DDX54: variants seen among roughly 807,000 people sequenced by gnomAD.
DDX54 encodes the protein ATP-dependent RNA helicase DDX54.
DDX54 carries 67 observed loss-of-function variants against 105.5 expected under a neutral mutation model. That is an observed-to-expected ratio of 0.64 (90% CI 0.52 to 0.78). The LOEUF (loss-of-function observed/expected upper bound fraction) is 0.78, where lower values mean the gene tolerates loss of function less well. Among genes scored for constraint, DDX54 ranks in the 30% least tolerant of loss-of-function variants. The pLI is 0.00. For missense variants in DDX54, 1,206 were observed against 1,230.5 expected (o/e 0.98, Z 0.30); for synonymous variants, 514 against 509.9 (o/e 1.01, Z -0.11).
chr12:113,162,781 C>A, intron 17 of DDX54, 151 bp downstream of exon 17: 1 of 709,722 alleles, frequency 1.4e-6, no homozygotes, highest in Non-Finnish European at 2.2e-6. Flanking sequence ...CTCGATCACT[C>A]ACCCCGGGCA....
intron 5 of DDX54, chr12:113,178,634 C>T (rs545246088): frequency 4.6e-6 from 1 of 215,538 alleles, no homozygotes; most frequent in Admixed American, 5.2e-5. Context: ...CCTCCACCTC[C>T]TGGGTTCAAG....
rs779947933 is a variant in DDX54, at chr12:113,163,314, G to A, written c.1939-40C>T. 7 of 1,576,324 alleles carry A rather than the reference G, an allele frequency of 4.4e-6. No homozygotes were observed. The highest frequency in any genetic ancestry group is 4.3e-6 in the Non-Finnish European group (5 of 1,161,374). ...ACCAAGGCCCAGTGTCATGCCTGCTGCCCCCTGGGGACTTCCCCCTGCCTC... is the reference window on the plus strand; with the variant it reads ...ACCAAGGCCCAGTGTCATGCCTGCTACCCCCTGGGGACTTCCCCCTGCCTC... On this transcript the variant is annotated intron_variant, in intron 15 of 19. Coordinates refer to ENST00000306014, the MANE Select transcript of DDX54 (RefSeq NM_024072.4). The surrounding 1 kb of genome is among the most constrained non-coding windows in gnomAD (Gnocchi z 5.9).
intron 2 of DDX54, among the ~76,000 whole-genome samples, chr12:113,180,339 C>T (rs978431227): frequency 3.3e-5 from 5 of 151,948 alleles, no homozygotes; most frequent in African/African-American, 1.2e-4. Context: ...TGTGTGGACA[C>T]AATGAGGATG....
Position 113,157,958 on chromosome 12 carries a change from C to T in DDX54, c.*919G>A. 1 of 484,598 alleles carries T rather than the reference C, an allele frequency of 2.1e-6. No individual in the cohort carries two copies. The highest frequency in any genetic ancestry group is 3.7e-6 in the Non-Finnish European group (1 of 268,462). 30.0% of individuals were successfully genotyped at this position (484,598 alleles called of 1,614,324 possible). On this transcript the variant is annotated 3_prime_UTR_variant, in exon 20 of 20. Coordinates refer to ENST00000306014, the MANE Select transcript of DDX54 (RefSeq NM_024072.4). ...AAAATGAGATCAGACCAGGCCCTCC[C>T]TGCCAGGGTGGTTGGGGCATGAAAA...
chr12:113,161,487 A>C, intron 18 of DDX54, 105 bp from the exon 19 acceptor site: 1 of 907,224 alleles, frequency 1.1e-6, no homozygotes, highest in Non-Finnish European at 1.7e-6. Flanking sequence ...GCCGCAGCTG[A>C]AGCTGCTCGG....
At position 113,157,490 on chromosome 12, in the gene DDX54, T is replaced by C; in HGVS notation, c.*1387A>G. ...ACCACCATCATCACTGTTCTTTTAA[T>C]GAGGGGATCTCCAGTCCCCGCCCTA... On this transcript the variant is annotated 3_prime_UTR_variant, in exon 20 of 20. Coordinates refer to ENST00000306014, the MANE Select transcript of DDX54 (RefSeq NM_024072.4). The C allele has an allele frequency of 2.5e-6, 2 of 787,336 alleles. No homozygotes were observed. The highest frequency in any genetic ancestry group is 2.1e-6 in the Non-Finnish European group (1 of 475,522). 48.8% of individuals were successfully genotyped at this position (787,336 alleles called of 1,614,324 possible).
At position 113,163,033 on chromosome 12, in the gene DDX54, G is replaced by A. The variant is rs553832787; in HGVS notation, c.2094C>T (p.Ser698=). 47 of 1,609,016 alleles carry A rather than the reference G, an allele frequency of 2.9e-5. No individual in the cohort carries two copies. In the East Asian group the frequency reaches 7.4e-4, roughly 25 times the overall value. Residue 698 remains serine, a synonymous_variant, in exon 17 of 20, where the codon AGC becomes AGT. Transcript: ENST00000306014. This position sits in a 1 kb window ranked among gnomAD's most constrained non-coding sequence, Gnocchi z 5.9. ...DFDSERGLSI[S]GEGGAFEQQA... is the part of the protein sequence containing the mutation. ...GCTGCTCAAAGGCTCCCCCTTCCCC[G>A]CTGATGCTCAGGCTGCAGAGGGAGA...
At chr12:113,159,232 G>C in intron 19 of DDX54, 123 bp from the exon 20 acceptor site, 2 of 1,102,520 alleles carry the variant, frequency 1.8e-6, no homozygotes, top group South Asian at 1.6e-5. Context: ...CTGTGGCCCA[G>C]TGTCTGTACA....
At chr12:113,174,112 G>T (rs576778126) in intron 10 of DDX54, among the ~76,000 whole-genome samples, 9 of 151,890 alleles carry the variant, frequency 5.9e-5, no homozygotes, top group Non-Finnish European at 1.3e-4. Context: ...CTGGGAGGTG[G>T]AGGTTGCAGT....
intron 17 of DDX54, 23 bp from the exon 18 acceptor site, chr12:113,162,020 G>C (rs969479244): frequency 6.8e-6 from 11 of 1,609,156 alleles, no homozygotes; most frequent in Non-Finnish European, 5.1e-6. Context: ...GAGTTGGGAC[G>C]GCTGCCGTGG....
intron 1 of DDX54, among the ~76,000 whole-genome samples, chr12:113,182,849 G>A (rs976946797): frequency 6.0e-5 from 9 of 149,802 alleles, no homozygotes; most frequent in Non-Finnish European, 8.9e-5. Flanking sequence ...GAGCCACCAC[G>A]CCCAGCCTCC....
intron 5 of DDX54, 138 bp from the exon 6 acceptor site, chr12:113,177,231 G>C (rs1263599952): frequency 1.0e-6 from 1 of 953,148 alleles, no homozygotes; most frequent in Admixed American, 2.6e-5. Context: ...AAAGGCCAGT[G>C]CTGAGGTATG....
chr12:113,181,172 CG>C, intron 1 of DDX54, 114 bp from the exon 2 acceptor site: 1 of 1,280,116 alleles, frequency 7.8e-7, no homozygotes, highest in South Asian at 1.8e-5. Context: ...ATGATGCTTC[CG>C]CCAGATCACG....
chr12:113,157,544 G>A lies in DDX54; in HGVS notation c.*1333C>T, dbSNP rs1467260471. The A allele has an allele frequency of 1.4e-6, 2 of 1,457,870 alleles. No homozygotes were observed. Among genetic ancestry groups the A allele is most frequent in the Non-Finnish European group, 1.9e-6 (2 of 1,062,668 alleles). 90.3% of individuals were successfully genotyped at this position (1,457,870 alleles called of 1,614,324 possible). A position where few individuals can be genotyped will look rare whatever the true frequency, so the allele number is the denominator to read the frequency against. On this transcript the variant is annotated 3_prime_UTR_variant, in exon 20 of 20. Coordinates refer to ENST00000306014, the MANE Select transcript of DDX54 (RefSeq NM_024072.4). ...TTCGGCCTCCCCCGCGTGTTGAGGG[G>A]TGGGGGCTGGACAGTGACTCTGGGG...
intron 2 of DDX54, 138 bp from the exon 3 acceptor site, chr12:113,180,143 A>G: frequency 1.2e-6 from 1 of 818,832 alleles, no homozygotes; most frequent in South Asian, 1.5e-5. Flanking sequence ...ACAAACTGAA[A>G]GGTGAAATGA....
At chr12:113,162,651 C>A (rs536988816) in intron 17 of DDX54, 4 of 402,850 alleles carry the variant, frequency 9.9e-6, no homozygotes, top group Non-Finnish European at 8.8e-6. Flanking sequence ...AATGGAGGGG[C>A]GGCTCACTCG....
chr12:113,180,867 A>G, intron 2 of DDX54, 62 bp downstream of exon 2: 1 of 1,604,518 alleles, frequency 6.2e-7, no homozygotes, highest in Non-Finnish European at 8.5e-7. Flanking sequence ...GATGGAGTGC[A>G]GAGGCGGGGT....
intron 1 of DDX54, among the ~76,000 whole-genome samples, chr12:113,184,254 T>A (rs1363457370): frequency 2.0e-5 from 3 of 151,968 alleles, no homozygotes; most frequent in African/African-American, 4.8e-5. Context: ...CCTAATTTTT[T>A]AATTTTTTGT....
chr12:113,162,910 G>A (rs1356051288), intron 17 of DDX54, 22 bp downstream of exon 17: 1 of 1,560,412 alleles, frequency 6.4e-7, no homozygotes, highest in Non-Finnish European at 8.6e-7. Context: ...AGCATGGAGG[G>A]GCGGCTCACT....
Sources: allele counts gnomAD v4.1 joint callset (sites outside exome capture counted in the v4.1 genomes callset), GRCh38; gene constraint gnomAD v4.1.1; non-coding constraint Gnocchi (gnomAD v3.1); transcripts MANE v1.5; gene names NCBI Gene and HGNC (gene_info 2026-07-23, HGNC 2026-07-21).